TRABD2B: variants seen among roughly 807,000 people sequenced by gnomAD.
TRABD2B encodes metalloprotease TIKI2.
In TRABD2B, 14 loss-of-function variants were observed where a neutral mutation model predicts 40.1. The ratio of observed to expected loss-of-function variants is 0.35; its 90% CI spans 0.23 to 0.55. The LOEUF is 0.55. TRABD2B is among the 20% of genes least tolerant of loss of function. The probability of loss-of-function intolerance (pLI) is 0.90; values close to 1 mark genes in which losing one functional copy is unlikely to be tolerated. For missense variants in TRABD2B, 541 were observed against 648.6 expected, an observed-to-expected ratio of 0.83 and a Z score of 1.80; for synonymous variants, 263 against 277.0, an observed-to-expected ratio of 0.95 and a Z score of 0.50.
intron 2 of TRABD2B, among the ~76,000 whole-genome samples, chr1:47,810,724 A>G (rs202113561): frequency 1.3e-5 from 2 of 152,200 alleles, no homozygotes; most frequent in Admixed American, 6.5e-5. Flanking sequence ...GGCAGCAGGG[A>G]GTAGCTGCAG....
intron 4 of TRABD2B, among the ~76,000 whole-genome samples, chr1:47,780,576 G>A (rs1644507453): frequency 6.6e-6 from 1 of 152,156 alleles, no homozygotes; most frequent in Non-Finnish European, 1.5e-5. Context: ...AGGAGGCTGT[G>A]AGGGCACACA....
chr1:47,897,141 T>G (rs766492577), intron 2 of TRABD2B, among the ~76,000 whole-genome samples: 31 of 152,130 alleles, frequency 2.0e-4, no homozygotes, highest in Non-Finnish European at 3.5e-4. Flanking sequence ...AGGGGACAGG[T>G]GCACTAGGCT....
chr1:47,863,372 T>TTA (rs201881656), intron 2 of TRABD2B, among the ~76,000 whole-genome samples: 4,382 of 66,458 alleles, frequency 0.066, 471 homozygotes, highest in South Asian at 0.12. Context: ...CTATATAATT[T>TTA]TATATATATA....
At chr1:47,849,048 C>A (rs934178623) in intron 2 of TRABD2B, among the ~76,000 whole-genome samples, 1 of 152,184 alleles carries the variant, frequency 6.6e-6, no homozygotes, top group African/African-American at 2.4e-5. Flanking sequence ...GCCTTTCAGT[C>A]TCTGGTACAG....
At chr1:47,853,474 G>C (rs1643856918) in intron 2 of TRABD2B, among the ~76,000 whole-genome samples, 1 of 152,162 alleles carries the variant, frequency 6.6e-6, no homozygotes, top group African/African-American at 2.4e-5. Flanking sequence ...CTGAGGGTTG[G>C]GGATAACTCT....
At chr1:47,780,641 A>G (rs80060471) in intron 4 of TRABD2B, among the ~76,000 whole-genome samples, 1 of 152,212 alleles carries the variant, frequency 6.6e-6, no homozygotes, top group East Asian at 1.9e-4. Flanking sequence ...GGGCACTGCT[A>G]GCTGCAGGGT....
intron 2 of TRABD2B, among the ~76,000 whole-genome samples, chr1:47,825,280 C>T (rs180997736): frequency 7.2e-5 from 11 of 152,326 alleles, no homozygotes; most frequent in African/African-American, 2.2e-4. Context: ...ATGGAATTAC[C>T]TTCCCACAGC....
At chr1:47,992,063 G>A (rs1462723927) in intron 2 of TRABD2B, among the ~76,000 whole-genome samples, 2 of 152,186 alleles carry the variant, frequency 1.3e-5, no homozygotes, top group African/African-American at 2.4e-5. Context: ...GTGGTGAAGG[G>A]TATGGAGATT....
chr1:47,795,189 C>T (rs72892314), intron 3 of TRABD2B, among the ~76,000 whole-genome samples: 3,996 of 152,302 alleles, frequency 0.026, 185 homozygotes, highest in African/African-American at 0.091. Flanking sequence ...GTACATGTTT[C>T]TCATCAATTC....
At chr1:47,975,171 A>G (rs1394453637) in intron 2 of TRABD2B, among the ~76,000 whole-genome samples, 1 of 152,228 alleles carries the variant, frequency 6.6e-6, no homozygotes, top group African/African-American at 2.4e-5. Context: ...ATAATGATGT[A>G]TCAGGTTCAT....
rs59173483 is a variant in TRABD2B, at chr1:47,862,547, G to GATAT, written c.667-60932_667-60929dup. On this transcript the variant is annotated intron_variant, in intron 2 of 6. Coordinates refer to ENST00000606738, the MANE Select transcript of TRABD2B (RefSeq NM_001194986.2). ...TATAAATCTAACAAAATATGCACAA[G>GATAT]ATATATATGAGAAAAACTACAAAAC... 4.7e-3 allele frequency among the ~76,000 whole-genome samples: 720 copies of GATAT among 151,882 alleles called. 5 individuals carry two copies. Among genetic ancestry groups the GATAT allele is most frequent in the East Asian group, 0.03 (157 of 5,160 alleles).
At chr1:47,962,459 C>A (rs1281463771) in intron 2 of TRABD2B, among the ~76,000 whole-genome samples, 3 of 152,138 alleles carry the variant, frequency 2.0e-5, no homozygotes, top group Non-Finnish European at 4.4e-5. Context: ...TCCTTTCACC[C>A]CTTCACCCAT....
chr1:47,983,772 A>AG (rs2148446884), intron 2 of TRABD2B, among the ~76,000 whole-genome samples: 1 of 151,806 alleles, frequency 6.6e-6, no homozygotes, highest in East Asian at 1.9e-4. Context: ...AAAAAAAAAA[A>AG]AGAGGAGCCA....
At chr1:47,855,044 T>A (rs763358476) in intron 2 of TRABD2B, among the ~76,000 whole-genome samples, 1 of 152,210 alleles carries the variant, frequency 6.6e-6, no homozygotes, top group Non-Finnish European at 1.5e-5. Flanking sequence ...TCAGAGTACC[T>A]TGGCACTGAG....
At chr1:47,981,561 C>A (rs1169060122) in intron 2 of TRABD2B, among the ~76,000 whole-genome samples, 1 of 152,162 alleles carries the variant, frequency 6.6e-6, no homozygotes, top group African/African-American at 2.4e-5. Context: ...TGCAGTGAGG[C>A]ACCTCTCTCT....
At chr1:47,791,445 C>A (rs557504617) in intron 4 of TRABD2B, among the ~76,000 whole-genome samples, 1 of 152,190 alleles carries the variant, frequency 6.6e-6, no homozygotes, top group South Asian at 2.1e-4. Flanking sequence ...CAGACACATG[C>A]CTGGGGGATG....
At position 47,794,565 on chromosome 1, in the gene TRABD2B, C is replaced by T. The variant is rs779745853; in HGVS notation, c.988+21G>A. On this transcript the variant is annotated intron_variant, in intron 4 of 6. Coordinates refer to ENST00000606738, the MANE Select transcript of TRABD2B (RefSeq NM_001194986.2). ...TCTCCCAGGATTCTGCAAACAATCC[C>T]TTCCCCACACTGGCCCAAACCTGCT... 3 of 1,502,748 alleles carry T rather than the reference C, an allele frequency of 2.0e-6. No homozygotes were observed. In the South Asian group the frequency reaches 3.7e-5, roughly 19 times the overall value. 93.1% of individuals were successfully genotyped at this position (1,502,748 alleles called of 1,614,324 possible).
chr1:47,837,639 C>G (rs899472718), intron 2 of TRABD2B, among the ~76,000 whole-genome samples: 1 of 152,148 alleles, frequency 6.6e-6, no homozygotes, highest in Non-Finnish European at 1.5e-5. Flanking sequence ...GAGAGAGAGA[C>G]GAACCGGGCT....
At chr1:47,843,533 G>C (rs1223719069) in intron 2 of TRABD2B, among the ~76,000 whole-genome samples, 1 of 152,186 alleles carries the variant, frequency 6.6e-6, no homozygotes, top group African/African-American at 2.4e-5. Context: ...AGTGCCTGCT[G>C]AACAACCAGA....
Sources: gnomAD v4.1 joint callset for allele counts (sites outside exome capture counted in the v4.1 genomes callset) on GRCh38, gnomAD v4.1.1 for gene constraint, MANE v1.5 for transcripts, NCBI Gene and HGNC (gene_info 2026-07-23, HGNC 2026-07-21) for gene names.